PLAGL1: variants seen among roughly 807,000 people sequenced by gnomAD.
PLAGL1 encodes the protein PLAG1 like zinc finger 1, also known as zinc finger protein PLAGL1.
Under a neutral mutation model 4.6 loss-of-function variants are expected in PLAGL1, and 1 was observed. The ratio of observed to expected loss-of-function variants is 0.22; its 90% CI spans 0.08 to 1.03. PLAGL1 has a LOEUF of 1.03. Ranked by LOEUF, PLAGL1 falls within the 50% of genes least tolerant of loss-of-function variation. The pLI, the probability that PLAGL1 is intolerant of heterozygous loss-of-function variation, is 0.58. For missense variants in PLAGL1, 464 were observed against 570.4 expected, an observed-to-expected ratio of 0.81 and a Z score of 1.90; for synonymous variants, 240 against 237.8, an observed-to-expected ratio of 1.01 and a Z score of -0.08.
At chr6:144,042,000 C>T (rs1583846349) in intron 1 of PLAGL1, among the ~76,000 whole-genome samples, 1 of 152,276 alleles carries the variant, frequency 6.6e-6, no homozygotes, top group South Asian at 2.1e-4. Flanking sequence ...AGTATCTGTT[C>T]ATATCCTTTG....
chr6:143,999,495 C>T (rs1428059819), intron 1 of PLAGL1, among the ~76,000 whole-genome samples: 4 of 152,138 alleles, frequency 2.6e-5, no homozygotes, highest in Non-Finnish European at 4.4e-5. Context: ...GTTTAGTGAC[C>T]ATTTTCCACA....
chr6:144,017,328 C>T (rs1031777356), intron 1 of PLAGL1, among the ~76,000 whole-genome samples: 8 of 152,096 alleles, frequency 5.3e-5, no homozygotes, highest in African/African-American at 1.9e-4. Context: ...ATTCCTGCCC[C>T]CTTCCCTCCT....
rs1002360277 is a variant in PLAGL1 at position 143,995,345 on chromosome 6, A to C, written c.-583-10171T>G. ...CATATCATTCAATAAATGATGCATA[A>C]TTTTTGGCTTTTGTTGTTTTGTTGT... On this transcript the variant is annotated intron_variant, in intron 1 of 7. Coordinates refer to ENST00000674357, the MANE Select transcript of PLAGL1 (RefSeq NM_001317162.2). This position sits in a 1 kb window ranked among gnomAD's most constrained non-coding sequence, Gnocchi z 4.4. Among the ~76,000 whole-genome samples the C allele has an allele frequency of 3.3e-5, 5 of 152,076 alleles. No individual in the cohort carries two copies. Among genetic ancestry groups the C allele is most frequent in the Admixed American group, 6.6e-5 (1 of 15,262 alleles).
chr6:144,019,616 GGA>G (rs1192194326), intron 1 of PLAGL1, among the ~76,000 whole-genome samples: 2 of 152,042 alleles, frequency 1.3e-5, no homozygotes, highest in African/African-American at 4.8e-5. Context: ...ATTGTTCCTA[GGA>G]GACAAATGCT....
Position 144,050,736 on chromosome 6 carries a change from T to A in PLAGL1, c.-151+13732A>T, listed in dbSNP as rs180672326. 0.052 allele frequency among the ~76,000 whole-genome samples: 7,864 copies of A among 151,510 alleles called. 250 individuals are homozygous for A. Among genetic ancestry groups the A allele is most frequent in the Non-Finnish European group, 0.074 (4,992 of 67,816 alleles). On this transcript the variant is annotated intron_variant, in intron 1 of 3. Transcript: ENST00000437412. The surrounding 1 kb of genome is among the most constrained non-coding windows in gnomAD (Gnocchi z 4.3). Reference sequence around the variant, plus strand: ...GAGACCCTGTTTCTACAAAAAAAAATTTTTTTTTAAGTAAATCAGGTGTGG... The same window carrying A: ...GAGACCCTGTTTCTACAAAAAAAAAATTTTTTTTAAGTAAATCAGGTGTGG...
chr6:144,036,569 G>A lies in PLAGL1; in HGVS notation c.-151+27899C>T. On this transcript the variant is annotated intron_variant, in intron 1 of 3. Transcript: ENST00000437412. This position sits in a 1 kb window ranked among gnomAD's most constrained non-coding sequence, Gnocchi z 5.1. ...GTCCTGGGGCTGCTACCGGGTGCAA[G>A]TGACATGCTGGAAAGAGCGTGGTAG... 5.8e-6 allele frequency: 1 copy of A among 172,172 alleles called. No individual in the cohort carries two copies. The highest frequency in any genetic ancestry group is 1.2e-5 in the Non-Finnish European group (1 of 81,244). 10.7% of individuals were successfully genotyped at this position (172,172 alleles called of 1,614,324 possible). A position where few individuals can be genotyped will look rare whatever the true frequency, so the allele number is the denominator to read the frequency against.
In PLAGL1 at chr6:144,046,657, T is replaced by C. The variant is rs145949335; in HGVS notation, c.-151+17811A>G. ...GCTACACGGGGGTCAGGGACCCACT[T>C]GAGGAGGCAGTGTGTCTGTTCTCAA... On this transcript the variant is annotated intron_variant, in intron 1 of 3. Coordinates refer to the PLAGL1 transcript ENST00000437412. 5.4e-3 allele frequency among the ~76,000 whole-genome samples: 829 copies of C among 152,302 alleles called. 3 individuals carry two copies. Among genetic ancestry groups the C allele is most frequent in the Non-Finnish European group, 9.2e-3 (627 of 68,016 alleles).
intron 1 of PLAGL1, among the ~76,000 whole-genome samples, chr6:144,023,683 A>AATTAC (rs1324843643): frequency 6.6e-6 from 1 of 152,022 alleles, no homozygotes; most frequent in African/African-American, 2.4e-5. Flanking sequence ...CTGTTAGGGA[A>AATTAC]ATTACAGATA....
At position 143,942,013 on chromosome 6, in the gene PLAGL1, G is replaced by C; in HGVS notation, c.803C>G (p.Pro268Arg). Reference sequence around the variant, plus strand: ...CTGCATAGGCTGGGCGGCTTGTTCTGGGGGACTGAGGGTGAGGCTATGGAC... The same window carrying C: ...CTGCATAGGCTGGGCGGCTTGTTCTCGGGGACTGAGGGTGAGGCTATGGAC... ...AEVHSLTLSPPEQAAQPMQPL... is the reference protein window; with the variant it reads ...AEVHSLTLSPREQAAQPMQPL... The change falls in exon 8 of 8, where the codon CCA (proline) becomes CGA (arginine). Residue 268 changes from proline to arginine, a missense_variant. Coordinates refer to ENST00000674357, the MANE Select transcript of PLAGL1 (RefSeq NM_001317162.2). The surrounding 1 kb of genome is among the most constrained non-coding windows in gnomAD (Gnocchi z 7.6). 6.3e-7 allele frequency: 1 copy of C among 1,595,104 alleles called. No individual in the cohort carries two copies. Among genetic ancestry groups the C allele is most frequent in the African/African-American group, 1.3e-5 (1 of 74,532 alleles).
At chr6:144,051,053 A>G (rs1260958030) in intron 1 of PLAGL1, among the ~76,000 whole-genome samples, 2 of 152,244 alleles carry the variant, frequency 1.3e-5, no homozygotes, top group Non-Finnish European at 2.9e-5. Flanking sequence ...CATGATATGT[A>G]ACAACTCTAA....
intron 1 of PLAGL1, among the ~76,000 whole-genome samples, chr6:144,044,325 A>AT (rs1394144395): frequency 6.6e-6 from 1 of 152,144 alleles, no homozygotes; most frequent in African/African-American, 2.4e-5. Context: ...AGCGCTATAA[A>AT]TTTCCCTCTA....
chr6:143,979,981 T>C lies in PLAGL1; in HGVS notation c.-544+5154A>G, dbSNP rs1039018444. Among the ~76,000 whole-genome samples, 1 of 152,236 alleles carries C rather than the reference T, an allele frequency of 6.6e-6. No individual in the cohort carries two copies. The highest frequency in any genetic ancestry group is 1.5e-5 in the Non-Finnish European group (1 of 67,958). ...CATGTTTCACCTTTTTTGAAAGATA[T>C]TGTCACAACTATAGATTTCTAGATT... On this transcript the variant is annotated intron_variant, in intron 2 of 7. Transcript: ENST00000674357. This position sits in a 1 kb window ranked among gnomAD's most constrained non-coding sequence, Gnocchi z 4.6.
At chr6:143,944,457 CAAACAA>C (rs1213179024) in intron 7 of PLAGL1, among the ~76,000 whole-genome samples, 1 of 152,062 alleles carries the variant, frequency 6.6e-6, no homozygotes, top group Non-Finnish European at 1.5e-5. Context: ...ACAAAACAAA[CAAACAA>C]AAACAAAAAA....
In PLAGL1 at chr6:143,948,841, TAAAC is replaced by T. The variant is rs1780390595; in HGVS notation, c.-324-385_-324-382del. On this transcript the variant is annotated intron_variant, in intron 6 of 7. Transcript: ENST00000674357. This position sits in a 1 kb window ranked among gnomAD's most constrained non-coding sequence, Gnocchi z 6.0. ...GTGTTCAAGTGTTTTTACTGGTCCA[TAAAC>T]AAAAATCACCCACACTTACTCAAAC... Among the ~76,000 whole-genome samples, 2 of 152,302 alleles carry T rather than the reference TAAAC, an allele frequency of 1.3e-5. No homozygotes were observed. The highest frequency in any genetic ancestry group is 3.9e-4 in the East Asian group (2 of 5,188).
chr6:143,996,937 A>G (rs1362827865), intron 1 of PLAGL1, among the ~76,000 whole-genome samples: 1 of 152,232 alleles, frequency 6.6e-6, no homozygotes. Context: ...TAAAATTGAT[A>G]TCTTCATGAT....
At position 144,063,497 on chromosome 6, in the gene PLAGL1, A is replaced by C. The variant is rs1799594660; in HGVS notation, c.-151+971T>G. Reference sequence around the variant, plus strand: ...GAAAAGCTCTCCTGGTGCTTCTGGGAGGCGCCTCGGGTTAGGCAGCGACGC... The same window carrying C: ...GAAAAGCTCTCCTGGTGCTTCTGGGCGGCGCCTCGGGTTAGGCAGCGACGC... On this transcript the variant is annotated intron_variant, in intron 1 of 3. Coordinates refer to the PLAGL1 transcript ENST00000437412. The surrounding 1 kb of genome is among the most constrained non-coding windows in gnomAD (Gnocchi z 5.7). Among the ~76,000 whole-genome samples, 1 of 152,156 alleles carries C rather than the reference A, an allele frequency of 6.6e-6. No homozygotes were observed. The highest frequency in any genetic ancestry group is 1.5e-5 in the Non-Finnish European group (1 of 68,030).
rs1331371133 is a variant in PLAGL1, at chr6:143,979,113, T to G, written c.-544+6022A>C. On this transcript the variant is annotated intron_variant, in intron 2 of 7. Coordinates refer to ENST00000674357, the MANE Select transcript of PLAGL1 (RefSeq NM_001317162.2). This position sits in a 1 kb window ranked among gnomAD's most constrained non-coding sequence, Gnocchi z 4.6. Reference sequence around the variant, plus strand: ...ATACAGTCACCACAGTTTTAAAAAATCAGTGCTAAAAATGATATTTTTTTC... The same window carrying G: ...ATACAGTCACCACAGTTTTAAAAAAGCAGTGCTAAAAATGATATTTTTTTC... Among the ~76,000 whole-genome samples the G allele has an allele frequency of 6.6e-6, 1 of 152,316 alleles. No homozygotes were observed. Among genetic ancestry groups the G allele is most frequent in the Middle Eastern group, 3.4e-3 (1 of 294 alleles).
At position 144,006,275 on chromosome 6, in the gene PLAGL1, CA is replaced by C. The variant is rs1794152030; in HGVS notation, c.-584+1814del. On this transcript the variant is annotated intron_variant, in intron 1 of 7. Transcript: ENST00000674357. The surrounding 1 kb of genome is among the most constrained non-coding windows in gnomAD (Gnocchi z 4.3). ...GGAGAGCCCTAGACTCAGGCTTCTT[CA>C]GTTTGCAACACCCATATTTTAACAT... 6.6e-6 allele frequency: 1 copy of C among 152,074 alleles called. No individual in the cohort carries two copies. The highest frequency in any genetic ancestry group is 2.1e-4 in the South Asian group (1 of 4,822). The allele number at this position is 152,074 out of a possible 1,614,324, so 9.4% of individuals were successfully genotyped here.
At position 143,958,498 on chromosome 6, in the gene PLAGL1, C is replaced by T. The variant is rs1397456967; in HGVS notation, c.-325+1971G>A. On this transcript the variant is annotated intron_variant, in intron 6 of 7. Transcript: ENST00000674357. The surrounding 1 kb of genome is among the most constrained non-coding windows in gnomAD (Gnocchi z 5.1). ...GCTGCTGCACCTGTTCCCAAGCTCA[C>T]TCCACTTCCTCCAGAAGCATGCCTG... is the stretch of plus-strand genomic sequence containing the variant. Among the ~76,000 whole-genome samples, 1 of 152,188 alleles carries T rather than the reference C, an allele frequency of 6.6e-6. No homozygotes were observed. Among genetic ancestry groups the T allele is most frequent in the Non-Finnish European group, 1.5e-5 (1 of 68,034 alleles).
Sources: gnomAD v4.1 joint callset for allele counts (sites outside exome capture counted in the v4.1 genomes callset) on GRCh38, gnomAD v4.1.1 for gene constraint, Gnocchi (gnomAD v3.1) non-coding constraint, MANE v1.5 for transcripts, NCBI Gene and HGNC (gene_info 2026-07-23, HGNC 2026-07-21) for gene names.